Variants in REXO5 observed in about 807,000 individuals in gnomAD.
REXO5 encodes the protein RNA exonuclease 5, also known as exonuclease NEF-sp.
A neutral mutation model predicts 88.5 loss-of-function variants in REXO5; 48 were observed. The ratio of observed to expected loss-of-function variants is 0.54; its 90% CI spans 0.43 to 0.69. The LOEUF (loss-of-function observed/expected upper bound fraction) is 0.69, where lower values mean the gene tolerates loss of function less well. REXO5 is among the 30% of genes least tolerant of loss of function. The pLI, the probability that REXO5 is intolerant of heterozygous loss-of-function variation, is 0.00. For synonymous variants in REXO5, 311 were observed against 336.5 expected (o/e 0.92, Z 0.83); for missense variants, 749 against 912.2 (o/e 0.82, Z 2.30).
rs543707633 is a variant in REXO5 at position 20,834,926 on chromosome 16, T to G, written c.1383+1803T>G. On this transcript the variant is annotated intron_variant, in intron 13 of 19. Coordinates refer to ENST00000261377, the MANE Select transcript of REXO5 (RefSeq NM_030941.3). Reference sequence around the variant, plus strand: ...CTATTAATTTGATAATCTGTGTCATTTTTAGATTAACTGAAATTGATTGGT... The same window carrying G: ...CTATTAATTTGATAATCTGTGTCATGTTTAGATTAACTGAAATTGATTGGT... Among the ~76,000 whole-genome samples the G allele has an allele frequency of 1.6e-3, 245 of 152,330 alleles. 2 individuals carry two copies. The highest frequency in any genetic ancestry group is 2.8e-3 in the Non-Finnish European group (191 of 68,032).
chr16:20,810,696 C>T (rs193161212), intron 2 of REXO5, among the ~76,000 whole-genome samples: 9 of 152,256 alleles, frequency 5.9e-5, no homozygotes, highest in Admixed American at 4.6e-4. Context: ...GCGCCCAGTC[C>T]ATTTTCATAT....
At chr16:20,827,244 C>A in intron 9 of REXO5, 48 bp downstream of exon 9, 1 of 1,609,692 alleles carries the variant, frequency 6.2e-7, no homozygotes, top group South Asian at 1.1e-5. Flanking sequence ...AATGCCTGTT[C>A]CATTTATCTC....
intron 5 of REXO5, among the ~76,000 whole-genome samples, chr16:20,820,829 G>T (rs2081173062): frequency 6.6e-6 from 1 of 151,478 alleles, no homozygotes; most frequent in Non-Finnish European, 1.5e-5. Context: ...CTCCCAAAGT[G>T]CTGGAATTAC....
rs113046337 is a variant in REXO5, at chr16:20,815,615, C to T, written c.379-501C>T. Among the ~76,000 whole-genome samples the T allele has an allele frequency of 6.9e-3, 1,054 of 152,254 alleles. 15 individuals carry two copies. Among genetic ancestry groups the T allele is most frequent in the African/African-American group, 0.024 (998 of 41,534 alleles). On this transcript the variant is annotated intron_variant, in intron 4 of 19. Coordinates refer to ENST00000261377, the MANE Select transcript of REXO5 (RefSeq NM_030941.3). ...TATTAACCACGGACCACCTGCTACA[C>T]GTATCATCTTTAATTATCACAATAG... is the stretch of plus-strand genomic sequence containing the variant.
At chr16:20,823,240 T>C (rs552830257) in intron 6 of REXO5, among the ~76,000 whole-genome samples, 1 of 152,352 alleles carries the variant, frequency 6.6e-6, no homozygotes, top group East Asian at 1.9e-4. Flanking sequence ...TATTTTATCA[T>C]GGAATTATTG....
chr16:20,820,431 A>G (rs1350725422), intron 5 of REXO5, among the ~76,000 whole-genome samples: 4 of 147,608 alleles, frequency 2.7e-5, no homozygotes, highest in Non-Finnish European at 5.9e-5. Flanking sequence ...GCCCCTAGTA[A>G]AAAGATTTTC....
chr16:20,817,688 C>A (rs1237769588), intron 5 of REXO5, among the ~76,000 whole-genome samples: 1 of 152,196 alleles, frequency 6.6e-6, no homozygotes, highest in Non-Finnish European at 1.5e-5. Flanking sequence ...TATTTCACTT[C>A]ATTTTCCAGT....
chr16:20,845,287 C>T, intron 18 of REXO5, 46 bp downstream of exon 18: 1 of 1,511,008 alleles, frequency 6.6e-7, no homozygotes, highest in Non-Finnish European at 9.0e-7. Flanking sequence ...GAGAGTCCTG[C>T]TCAGTGACAC....
chr16:20,833,654 T>C (rs1345049100), intron 13 of REXO5, among the ~76,000 whole-genome samples: 1 of 152,204 alleles, frequency 6.6e-6, no homozygotes. Context: ...CCCCAGTTGC[T>C]TTATTATTTT....
intron 2 of REXO5, among the ~76,000 whole-genome samples, chr16:20,809,842 A>G (rs986546777): frequency 3.9e-5 from 6 of 152,234 alleles, no homozygotes; most frequent in African/African-American, 1.4e-4. Context: ...CTGAGGTTAC[A>G]GGCCCAAGCC....
chr16:20,820,332 A>G (rs1218358994), intron 5 of REXO5, among the ~76,000 whole-genome samples: 2 of 151,442 alleles, frequency 1.3e-5, no homozygotes, highest in African/African-American at 4.9e-5. Context: ...TATTTTCTTT[A>G]CAAGGATCAG....
chr16:20,832,132 T>G, intron 11 of REXO5, 24 bp from the exon 12 acceptor site: 1 of 1,475,126 alleles, frequency 6.8e-7, no homozygotes. Flanking sequence ...GCAATTATAT[T>G]TTTACCACTT....
At chr16:20,806,915 T>C in intron 1 of REXO5, 37 bp from the exon 2 acceptor site, 1 of 1,552,316 alleles carries the variant, frequency 6.4e-7, no homozygotes, top group East Asian at 2.4e-5. Context: ...ATAGGGGCGC[T>C]GGAGTTTCCC....
At chr16:20,816,556 G>C (rs966159709) in intron 5 of REXO5, among the ~76,000 whole-genome samples, 3 of 152,070 alleles carry the variant, frequency 2.0e-5, no homozygotes, top group Middle Eastern at 3.2e-3. Flanking sequence ...GCCCAGGCTG[G>C]TCTCAAACTC....
rs2081357729 is a variant in REXO5 at position 20,832,325 on chromosome 16, C to T, written c.1262+66C>T. The stretch of plus-strand genomic sequence containing the variant: ...GTATCTAGTTTCTTATTTAACAACA[C>T]CTGAGAATGTTTTTATCCTCTTTTG... On this transcript the variant is annotated intron_variant, in intron 12 of 19. Coordinates refer to ENST00000261377, the MANE Select transcript of REXO5 (RefSeq NM_030941.3). 4.1e-6 allele frequency: 4 copies of T among 982,822 alleles called. No individual in the cohort carries two copies. In the South Asian group the frequency reaches 4.6e-5, roughly 11 times the overall value. The allele number at this position is 982,822 out of a possible 1,614,324, so 60.9% of individuals were successfully genotyped here. A position where few individuals can be genotyped will look rare whatever the true frequency, so the allele number is the denominator to read the frequency against.
chr16:20,827,272 C>T, intron 9 of REXO5, 76 bp downstream of exon 9: 1 of 1,602,480 alleles, frequency 6.2e-7, no homozygotes, highest in Non-Finnish European at 8.5e-7. Context: ...AAGTCTTGGG[C>T]TCTTCTCTCC....
chr16:20,822,736 A>G (rs2081203767), intron 6 of REXO5, among the ~76,000 whole-genome samples: 1 of 152,228 alleles, frequency 6.6e-6, no homozygotes, highest in Admixed American at 6.5e-5. Context: ...TGTAGCATGT[A>G]TCAGTACTAC....
At chr16:20,848,034 C>G (rs60486346) in intron 19 of REXO5, among the ~76,000 whole-genome samples, 11,475 of 152,174 alleles carry the variant, frequency 0.075, 469 homozygotes, top group East Asian at 0.13. Flanking sequence ...TTAAGCACCC[C>G]CTGGAAGCAG....
chr16:20,828,968 T>C (rs948219735), intron 11 of REXO5, among the ~76,000 whole-genome samples: 2 of 147,860 alleles, frequency 1.4e-5, no homozygotes, highest in Non-Finnish European at 3.0e-5. Flanking sequence ...GAAAAGAAAA[T>C]GGCAGTGTGA....
Sources: gnomAD v4.1 joint callset for allele counts (sites outside exome capture counted in the v4.1 genomes callset) on GRCh38, gnomAD v4.1.1 for gene constraint, MANE v1.5 for transcripts, NCBI Gene and HGNC (gene_info 2026-07-23, HGNC 2026-07-21) for gene names.